Variants in RBM38 observed in about 807,000 individuals in gnomAD.
RBM38 encodes the protein RNA binding motif protein 38, also known as RNA-binding protein 38.
In RBM38, 11 loss-of-function variants were observed where a neutral mutation model predicts 23.5. That is an observed-to-expected ratio of 0.47 (90% CI 0.29 to 0.77). The LOEUF is 0.77. Ranked by LOEUF, RBM38 falls within the 30% of genes least tolerant of loss-of-function variation. RBM38 has a pLI of 0.08. For missense variants in RBM38, 330 were observed against 351.9 expected, an observed-to-expected ratio of 0.94 and a Z score of 0.50; for synonymous variants, 165 against 166.1, an observed-to-expected ratio of 0.99 and a Z score of 0.05.
At chr20:57,400,441 G>A (rs1444114975) in intron 3 of RBM38, among the ~76,000 whole-genome samples, 1 of 152,174 alleles carries the variant, frequency 6.6e-6, no homozygotes, top group African/African-American at 2.4e-5. Flanking sequence ...CAACCCTCCC[G>A]GCATGGCCTG....
intron 3 of RBM38, chr20:57,400,005 G>A (rs2067311633): frequency 2.2e-6 from 1 of 456,224 alleles, no homozygotes; most frequent in Non-Finnish European, 4.4e-6. Context: ...CTTTGAGTGT[G>A]GGCAGCATGT....
intron 3 of RBM38, among the ~76,000 whole-genome samples, chr20:57,398,783 G>A (rs896843797): frequency 1.3e-5 from 2 of 152,358 alleles, no homozygotes; most frequent in African/African-American, 2.4e-5. Flanking sequence ...GCACAGCTTT[G>A]TCTCAGGGTA....
intron 3 of RBM38, among the ~76,000 whole-genome samples, chr20:57,400,752 C>T (rs1230496418): frequency 3.3e-5 from 5 of 152,082 alleles, no homozygotes; most frequent in Non-Finnish European, 7.3e-5. Flanking sequence ...CAAGACCCTT[C>T]TCTGGGGTCT....
intron 3 of RBM38, among the ~76,000 whole-genome samples, chr20:57,403,503 C>T (rs1169649778): frequency 6.6e-6 from 1 of 152,220 alleles, no homozygotes; most frequent in Non-Finnish European, 1.5e-5. Context: ...CTTGCAGGCA[C>T]AGCTACCAGC....
At chr20:57,398,176 A>G (rs534960580) in intron 3 of RBM38, among the ~76,000 whole-genome samples, 4 of 152,158 alleles carry the variant, frequency 2.6e-5, no homozygotes, top group African/African-American at 9.6e-5. Context: ...TGTTTTTGCA[A>G]CTTCTTGGGA....
At chr20:57,401,620 G>T (rs1217514329) in intron 3 of RBM38, among the ~76,000 whole-genome samples, 1 of 152,244 alleles carries the variant, frequency 6.6e-6, no homozygotes, top group South Asian at 2.1e-4. Context: ...AAGACATTGT[G>T]CAAGGTAGAT....
rs1294689687 is a variant in RBM38 at position 57,401,409 on chromosome 20, C to T, written c.417-6134C>T. 2.0e-5 allele frequency among the ~76,000 whole-genome samples: 3 copies of T among 152,342 alleles called. No individual in the cohort carries two copies. In the East Asian group the frequency reaches 5.8e-4, roughly 29 times the overall value. On this transcript the variant is annotated intron_variant, in intron 3 of 3. Coordinates refer to ENST00000356208, the MANE Select transcript of RBM38 (RefSeq NM_017495.6). ...GCCTGTCCCTCCAGCCTGCCCAGCC[C>T]TGGCTGCTCAAGGCTGAACTGCTTT...
chr20:57,397,039 T>C (rs928868638), intron 3 of RBM38, among the ~76,000 whole-genome samples: 34 of 152,216 alleles, frequency 2.2e-4, no homozygotes, highest in Non-Finnish European at 8.8e-5. Flanking sequence ...CTCCGGAGTG[T>C]CAGGTACAGG....
intron 3 of RBM38, chr20:57,399,800 C>G: frequency 2.2e-6 from 1 of 445,324 alleles, no homozygotes; most frequent in Admixed American, 2.4e-5. Context: ...CGGGGACCTT[C>G]CCACACCCAG....
intron 3 of RBM38, among the ~76,000 whole-genome samples, chr20:57,394,523 T>G (rs553161735): frequency 8.4e-4 from 128 of 152,264 alleles, no homozygotes; most frequent in African/African-American, 3.0e-3. Context: ...GCCGGGGCCC[T>G]TCTAGCCTGT....
At chr20:57,394,198 G>A (rs1017087867) in intron 3 of RBM38, among the ~76,000 whole-genome samples, 2 of 152,160 alleles carry the variant, frequency 1.3e-5, no homozygotes, top group Admixed American at 6.5e-5. Flanking sequence ...AGTTGATCAC[G>A]TGTGTGTGCT....
At chr20:57,392,343 T>C in intron 1 of RBM38, 1 of 1,286,624 alleles carries the variant, frequency 7.8e-7, no homozygotes, top group Non-Finnish European at 1.1e-6. Flanking sequence ...GGTGGGCAAG[T>C]CCAGGCGGCC....
intron 3 of RBM38, among the ~76,000 whole-genome samples, chr20:57,401,736 G>A (rs1303682690): frequency 6.6e-6 from 1 of 152,228 alleles, no homozygotes; most frequent in Non-Finnish European, 1.5e-5. Flanking sequence ...CGAAGGTCCT[G>A]TGGTGGGAAG....
In RBM38 at chr20:57,391,828, C is replaced by CCCCGCGCCCGGG; in HGVS notation, c.237+16_237+27dup. On this transcript the variant is annotated intron_variant, in intron 1 of 3. Transcript: ENST00000356208. ...CCGCGGCTACGGCTTCGTAAGTGGC[C>CCCCGCGCCCGGG]CCCGCGCCCGGGCCCGCACCCCGCC... 4 of 1,534,000 alleles carry CCCCGCGCCCGGG rather than the reference C, an allele frequency of 2.6e-6. No individual in the cohort carries two copies. The highest frequency in any genetic ancestry group is 3.5e-6 in the Non-Finnish European group (4 of 1,139,222).
intron 3 of RBM38, among the ~76,000 whole-genome samples, chr20:57,403,322 G>C (rs1255449073): frequency 1.3e-5 from 2 of 152,192 alleles, no homozygotes; most frequent in African/African-American, 4.8e-5. Context: ...GGGGCGAGGC[G>C]CAACCCTAGG....
At position 57,407,596 on chromosome 20, in the gene RBM38, T is replaced by G; in HGVS notation, c.470T>G (p.Ile157Ser). 1 of 1,613,714 alleles carries G rather than the reference T, an allele frequency of 6.2e-7. No individual in the cohort carries two copies. Among genetic ancestry groups the G allele is most frequent in the Non-Finnish European group, 8.5e-7 (1 of 1,179,852 alleles). ...GCCATCGTGCAGCCCAGCGTGGTGA[T>G]CCCAGCCGCCCCTGTCCCGTCGCTG... ...PPAIVQPSVV[I>S]PAAPVPSLSS... The change falls in exon 4 of 4, where the codon ATC (isoleucine) becomes AGC (serine). Residue 157 changes from isoleucine (I) to serine (S), a missense_variant. Around this residue, in one of 3 missense-constraint regions of RBM38, gnomAD observed 227 missense variants for 216.4 expected, o/e 1.05. Transcript: ENST00000356208. This position sits in a 1 kb window ranked among gnomAD's most constrained non-coding sequence, Gnocchi z 4.0.
chr20:57,392,515 C>T (rs1650553722), intron 1 of RBM38, 139 bp from the exon 2 acceptor site: 1 of 1,524,738 alleles, frequency 6.6e-7, no homozygotes, highest in Non-Finnish European at 8.8e-7. Flanking sequence ...GGAGCTTTGG[C>T]TCAAGGACCC....
At chr20:57,402,147 G>A (rs1350023997) in intron 3 of RBM38, among the ~76,000 whole-genome samples, 3 of 152,144 alleles carry the variant, frequency 2.0e-5, no homozygotes, top group Non-Finnish European at 4.4e-5. Flanking sequence ...GGGTTTCACC[G>A]TGTTGGCCAG....
chr20:57,398,275 T>C (rs926044176), intron 3 of RBM38, among the ~76,000 whole-genome samples: 4 of 149,648 alleles, frequency 2.7e-5, no homozygotes, highest in South Asian at 2.1e-4. Context: ...TGTGTGTGTG[T>C]ACGCACGCAC....
Sources: allele counts gnomAD v4.1 joint callset (sites outside exome capture counted in the v4.1 genomes callset), GRCh38; gene constraint gnomAD v4.1.1; regional missense constraint gnomAD v4.1.1; non-coding constraint Gnocchi (gnomAD v3.1); transcripts MANE v1.5; gene names NCBI Gene and HGNC (gene_info 2026-07-23, HGNC 2026-07-21).